STARD13: variants seen among roughly 807,000 people sequenced by gnomAD.
STARD13 encodes stAR-related lipid transfer protein 13.
Under a neutral mutation model 106.4 loss-of-function variants are expected in STARD13, and 62 were observed. The ratio of observed to expected loss-of-function variants is 0.58; its 90% CI spans 0.48 to 0.72. The LOEUF (loss-of-function observed/expected upper bound fraction) is 0.72, where lower values mean the gene tolerates loss of function less well. Among genes scored for constraint, STARD13 ranks in the 30% least tolerant of loss-of-function variants. The pLI is 0.00. For synonymous variants in STARD13, 565 were observed against 553.0 expected, an observed-to-expected ratio of 1.02 and a Z score of -0.31; for missense variants, 1,387 against 1,424.0, an observed-to-expected ratio of 0.97 and a Z score of 0.42.
the STARD13 span, among the ~76,000 whole-genome samples, chr13:33,609,069 G>A: frequency 8.7e-6 from 1 of 114,428 alleles, no homozygotes; most frequent in South Asian, 2.5e-4. Context: ...CTGGGCGACA[G>A]AGCGAGACTC....
At chr13:33,360,765 G>A in the STARD13 span, among the ~76,000 whole-genome samples, 2 of 82,130 alleles carry the variant, frequency 2.4e-5, no homozygotes, top group African/African-American at 9.5e-5. Flanking sequence ...ATTGAACTGT[G>A]TGGGTCCACT....
chr13:33,459,780 T>G, the STARD13 span, among the ~76,000 whole-genome samples: 2 of 152,238 alleles, frequency 1.3e-5, no homozygotes, highest in African/African-American at 4.8e-5. Context: ...TTTGTATGTG[T>G]AAACCAGTCA....
chr13:33,203,602 T>A (rs1486155689), intron 1 of STARD13, among the ~76,000 whole-genome samples: 1 of 152,174 alleles, frequency 6.6e-6, no homozygotes, highest in Non-Finnish European at 1.5e-5. Context: ...TTAGCCCTAT[T>A]TTTTAAAGTT....
At chr13:33,491,899 T>C in the STARD13 span, among the ~76,000 whole-genome samples, 1 of 152,320 alleles carries the variant, frequency 6.6e-6, no homozygotes, top group South Asian at 2.1e-4. Flanking sequence ...CCAAACAGGC[T>C]TTATGTGAGC....
the STARD13 span, among the ~76,000 whole-genome samples, chr13:33,436,548 G>A: frequency 6.6e-6 from 1 of 152,124 alleles, no homozygotes; most frequent in Non-Finnish European, 1.5e-5. Context: ...GCAAACTATA[G>A]TATAATATAT....
the STARD13 span, among the ~76,000 whole-genome samples, chr13:33,372,668 A>G: frequency 9.9e-5 from 15 of 152,060 alleles, no homozygotes; most frequent in East Asian, 2.9e-3. Flanking sequence ...TAGACAACCA[A>G]TGTGACTCTG....
intron 1 of STARD13, among the ~76,000 whole-genome samples, chr13:33,307,625 A>G (rs780727655): frequency 6.6e-6 from 1 of 152,170 alleles, no homozygotes; most frequent in Admixed American, 6.5e-5. Context: ...ACATGGACAC[A>G]GGGAGGGAAA....
chr13:33,209,974 A>AAAAC (rs775748833), intron 1 of STARD13, among the ~76,000 whole-genome samples: 3 of 152,130 alleles, frequency 2.0e-5, no homozygotes, highest in Non-Finnish European at 4.4e-5. Context: ...CCTGTCTTGA[A>AAAAC]AAACAAACAA....
chr13:33,500,846 A>T, the STARD13 span, among the ~76,000 whole-genome samples: 1 of 152,112 alleles, frequency 6.6e-6, no homozygotes, highest in East Asian at 1.9e-4. Flanking sequence ...ACTCCTCATG[A>T]TATGGGGACA....
At chr13:33,294,415 G>A (rs928087147) in intron 1 of STARD13, among the ~76,000 whole-genome samples, 1 of 152,220 alleles carries the variant, frequency 6.6e-6, no homozygotes, top group Non-Finnish European at 1.5e-5. Context: ...CACTAACTGT[G>A]TCTATGACCT....
chr13:33,165,440 G>T lies in STARD13; in HGVS notation c.242-22C>A, dbSNP rs1478498559. Reference sequence around the variant, plus strand: ...GAATCTGAGAGAGAAAGACAAAGAAGTTGATGTACTTTGTTTTATCTGAAT... The same window carrying T: ...GAATCTGAGAGAGAAAGACAAAGAATTTGATGTACTTTGTTTTATCTGAAT... On this transcript the variant is annotated intron_variant, in intron 2 of 13. Transcript: ENST00000336934. The T allele has an allele frequency of 3.2e-6, 5 of 1,574,178 alleles. No homozygotes were observed. In the South Asian group the frequency reaches 3.3e-5, roughly 10 times the overall value.
the STARD13 span, among the ~76,000 whole-genome samples, chr13:33,506,094 G>A: frequency 6.6e-6 from 1 of 152,128 alleles, no homozygotes; most frequent in African/African-American, 2.4e-5. Flanking sequence ...GAAAAATACA[G>A]TGCAAATTTC....
chr13:33,566,488 G>C, the STARD13 span, among the ~76,000 whole-genome samples: 1 of 147,796 alleles, frequency 6.8e-6, no homozygotes, highest in African/African-American at 2.5e-5. Flanking sequence ...CTACCTTCTA[G>C]CATAGTTTTT....
At chr13:33,308,398 A>G (rs1892992390) in intron 1 of STARD13, among the ~76,000 whole-genome samples, 1 of 152,018 alleles carries the variant, frequency 6.6e-6, no homozygotes, top group Non-Finnish European at 1.5e-5. Context: ...TTAGAAAAGC[A>G]TCTATCAATA....
At chr13:33,126,318 G>T in intron 6 of STARD13, 78 bp from the exon 7 acceptor site, 1 of 1,442,332 alleles carries the variant, frequency 6.9e-7, no homozygotes, top group Non-Finnish European at 9.6e-7. Flanking sequence ...AAGCATGAGG[G>T]AAGCCAGGCT....
the STARD13 span, among the ~76,000 whole-genome samples, chr13:33,582,351 G>A: frequency 6.6e-6 from 1 of 152,170 alleles, no homozygotes; most frequent in Non-Finnish European, 1.5e-5. Flanking sequence ...CTCATTCTAT[G>A]TTGCCTAATA....
intron 1 of STARD13, among the ~76,000 whole-genome samples, chr13:33,238,854 A>G (rs1372389568): frequency 6.6e-6 from 1 of 152,140 alleles, no homozygotes; most frequent in Non-Finnish European, 1.5e-5. Flanking sequence ...TGGTAAAAAA[A>G]CACAACATAA....
At chr13:33,458,815 CTT>C in the STARD13 span, among the ~76,000 whole-genome samples, 179 of 113,502 alleles carry the variant, frequency 1.6e-3, 1 homozygote, top group African/African-American at 4.3e-3. Context: ...AACATGTTTA[CTT>C]TTTTTTTTTT....
chr13:33,233,065 C>T (rs945034030), intron 1 of STARD13, among the ~76,000 whole-genome samples: 3 of 152,246 alleles, frequency 2.0e-5, no homozygotes, highest in African/African-American at 4.8e-5. Flanking sequence ...ATATCAAGCA[C>T]TGCTCAATGT....
Sources: allele counts gnomAD v4.1 joint callset (sites outside exome capture counted in the v4.1 genomes callset), GRCh38; gene constraint gnomAD v4.1.1; transcripts MANE v1.5; gene names NCBI Gene and HGNC (gene_info 2026-07-23, HGNC 2026-07-21).